The following SLC35F4 variants were observed in gnomAD, a reference collection of about 807,000 sequenced individuals.
SLC35F4 encodes the protein solute carrier family 35 member F4, also known as chromosome 14 open reading frame 36.
In SLC35F4, 24 loss-of-function variants were observed where a neutral mutation model predicts 44.2. The observed-to-expected ratio is 0.54, with a 90% CI of 0.39 to 0.76. The LOEUF (loss-of-function observed/expected upper bound fraction) is 0.76, where lower values mean the gene tolerates loss of function less well. SLC35F4 is among the 30% of genes least tolerant of loss of function. SLC35F4 has a pLI of 0.00. For missense variants in SLC35F4, 562 were observed against 586.1 expected (o/e 0.96, Z 0.42); for synonymous variants, 238 against 223.6 (o/e 1.06, Z -0.57).
intron 1 of SLC35F4, among the ~76,000 whole-genome samples, chr14:57,626,650 T>G (rs1008068743): frequency 5.3e-5 from 8 of 152,118 alleles, no homozygotes; most frequent in Admixed American, 5.2e-4. Flanking sequence ...TAGCACGCAG[T>G]AATTGCTAAA....
chr14:57,683,691 T>A (rs930941188), intron 1 of SLC35F4, among the ~76,000 whole-genome samples: 1 of 152,234 alleles, frequency 6.6e-6, no homozygotes, highest in Non-Finnish European at 1.5e-5. Flanking sequence ...CCTGTCACTT[T>A]TGACTTTTAA....
chr14:57,850,708 A>G (rs1886480314), intron 1 of SLC35F4, among the ~76,000 whole-genome samples: 1 of 152,192 alleles, frequency 6.6e-6, no homozygotes, highest in Non-Finnish European at 1.5e-5. Context: ...AAAACTAAGG[A>G]TCCAGAGTGA....
At chr14:57,789,374 G>T (rs186439190) in intron 1 of SLC35F4, among the ~76,000 whole-genome samples, 2 of 152,272 alleles carry the variant, frequency 1.3e-5, no homozygotes, top group East Asian at 3.9e-4. Context: ...ACACTTCTAT[G>T]CAAATAAACT....
chr14:57,614,383 T>C (rs2140063190), intron 1 of SLC35F4, among the ~76,000 whole-genome samples: 1 of 152,346 alleles, frequency 6.6e-6, no homozygotes, highest in East Asian at 1.9e-4. Context: ...ATATTTATTC[T>C]GTTTAATTTC....
At chr14:57,976,641 T>C (rs1326609222), downstream of SLC35F4, 2 of 152,206 alleles carry the variant, frequency 1.3e-5, no homozygotes, top group African/African-American at 4.8e-5. Flanking sequence ...CAGAGAACCA[T>C]GGACAACCAT....
chr14:57,592,939 A>T (rs2070279984), intron 2 of SLC35F4, among the ~76,000 whole-genome samples: 2 of 152,128 alleles, frequency 1.3e-5, no homozygotes, highest in African/African-American at 4.8e-5. Context: ...AAGAGATTTT[A>T]GTATGTTGCC....
chr14:57,786,500 C>T (rs978525619), intron 1 of SLC35F4, among the ~76,000 whole-genome samples: 1 of 152,154 alleles, frequency 6.6e-6, no homozygotes, highest in Non-Finnish European at 1.5e-5. Flanking sequence ...AGCTAAGAAC[C>T]CTCACGGAGT....
intron 1 of SLC35F4, among the ~76,000 whole-genome samples, chr14:57,745,798 G>C (rs373297635): frequency 6.6e-6 from 1 of 152,060 alleles, no homozygotes; most frequent in Non-Finnish European, 1.5e-5. Flanking sequence ...TGTTTATTGC[G>C]GCACTATTCA....
rs576165122 is a variant in SLC35F4, at chr14:57,563,937, T to C, written c.*198A>G. 6.6e-6 allele frequency: 4 copies of C among 609,396 alleles called. No individual in the cohort carries two copies. Among genetic ancestry groups the C allele is most frequent in the Non-Finnish European group, 1.1e-5 (4 of 376,364 alleles). 37.7% of individuals were successfully genotyped at this position (609,396 alleles called of 1,614,324 possible). A position where few individuals can be genotyped will look rare whatever the true frequency, so the allele number is the denominator to read the frequency against. On this transcript the variant is annotated 3_prime_UTR_variant, in exon 8 of 8. Transcript: ENST00000556826. ...AAAACAGAACAAGGACAAATGTGTT[T>C]TAATAAAAAAATCCATTATGATTAT... is the stretch of plus-strand genomic sequence containing the variant.
rs1376213728 is a variant in SLC35F4, at chr14:57,937,635, GAAAAGAAAAGAAAAGAAAAA to G, written n.282+44258_282+44277del. Among the ~76,000 whole-genome samples the G allele has an allele frequency of 3.3e-3, 393 of 119,648 alleles. 3 individuals are homozygous for G. The highest frequency in any genetic ancestry group is 0.013 in the African/African-American group (355 of 27,068). The allele number at this position is 119,648 out of a possible 152,430, so 78.5% of individuals were successfully genotyped here. A position where few individuals can be genotyped will look rare whatever the true frequency, so the allele number is the denominator to read the frequency against. ...GAAAAGAAAAGAAAAGAAAAGAAAA[GAAAAGAAAAGAAAAGAAAAA>G]AGAAAAGAAAAAGATATCACAAAGG... On this transcript the variant is annotated intron_variant and non_coding_transcript_variant, in intron 1 of 1. Coordinates refer to the SLC35F4 transcript ENST00000556568.
intron 1 of SLC35F4, among the ~76,000 whole-genome samples, chr14:57,854,303 T>C (rs1414016466): frequency 6.6e-6 from 1 of 152,126 alleles, no homozygotes; most frequent in Non-Finnish European, 1.5e-5. Context: ...TTGAAGTAGT[T>C]AAATGCTTTA....
At chr14:57,790,096 G>A (rs572296024) in intron 1 of SLC35F4, among the ~76,000 whole-genome samples, 5 of 152,284 alleles carry the variant, frequency 3.3e-5, no homozygotes, top group African/African-American at 1.2e-4. Flanking sequence ...AGACAAGGAT[G>A]CCCTTTCTCA....
At chr14:57,838,064 G>A (rs1595178752) in intron 1 of SLC35F4, among the ~76,000 whole-genome samples, 1 of 152,282 alleles carries the variant, frequency 6.6e-6, no homozygotes. Context: ...CTTAATGCCG[G>A]TGATACTAAG....
chr14:57,764,527 A>T (rs1013107277), intron 1 of SLC35F4, among the ~76,000 whole-genome samples: 6 of 152,230 alleles, frequency 3.9e-5, no homozygotes, highest in Non-Finnish European at 7.4e-5. Context: ...TTCCCAGCTT[A>T]AACTCTTCCC....
chr14:57,775,626 G>A (rs1450028425), intron 1 of SLC35F4, among the ~76,000 whole-genome samples: 2 of 152,190 alleles, frequency 1.3e-5, no homozygotes, highest in Non-Finnish European at 2.9e-5. Flanking sequence ...TCATCAATGG[G>A]ATAACAGAAA....
intron 1 of SLC35F4, among the ~76,000 whole-genome samples, chr14:57,678,911 C>T (rs905313563): frequency 6.6e-6 from 1 of 151,946 alleles, no homozygotes. Context: ...ACTTAGACTC[C>T]CACACAGTAA....
chr14:57,958,808 C>G (rs1464857250), intron 1 of SLC35F4, among the ~76,000 whole-genome samples: 1 of 152,228 alleles, frequency 6.6e-6, no homozygotes, highest in Non-Finnish European at 1.5e-5. Flanking sequence ...TCAATGTTCG[C>G]ATGCCACTTC....
chr14:57,980,074 T>C (rs762065518), intron 1 of SLC35F4, among the ~76,000 whole-genome samples: 9 of 152,228 alleles, frequency 5.9e-5, no homozygotes, highest in Non-Finnish European at 1.2e-4. Flanking sequence ...GGACAAAAGC[T>C]ATTGTATCAG....
chr14:57,849,933 A>C (rs986922047), intron 1 of SLC35F4, among the ~76,000 whole-genome samples: 5 of 152,210 alleles, frequency 3.3e-5, no homozygotes, highest in African/African-American at 1.2e-4. Context: ...CGTCTTGGTA[A>C]AGGATACACT....
Sources: gnomAD v4.1 joint callset for allele counts (sites outside exome capture counted in the v4.1 genomes callset) on GRCh38, gnomAD v4.1.1 for gene constraint, MANE v1.5 for transcripts, NCBI Gene and HGNC (gene_info 2026-07-23, HGNC 2026-07-21) for gene names.